IQCH: variants seen among roughly 807,000 people sequenced by gnomAD.
IQCH encodes the protein IQ motif containing H, also known as IQ domain-containing protein H.
IQCH carries 98 observed loss-of-function variants against 117.0 expected under a neutral mutation model. The observed-to-expected ratio is 0.84, with a 90% CI of 0.71 to 0.99. The LOEUF (loss-of-function observed/expected upper bound fraction) is 0.99. IQCH is among the 50% of genes least tolerant of loss of function. The pLI, the probability that IQCH is intolerant of heterozygous loss-of-function variation, is 0.00. For synonymous variants in IQCH, 412 were observed against 448.2 expected (o/e 0.92, Z 1.02); for missense variants, 1,102 against 1,243.8 (o/e 0.89, Z 1.72).
chr15:67,496,740 C>T lies in IQCH; in HGVS notation c.2970+2374C>T, dbSNP rs544567074. 2.0e-4 allele frequency among the ~76,000 whole-genome samples: 31 copies of T among 151,902 alleles called. No individual in the cohort carries two copies. The highest frequency in any genetic ancestry group is 4.6e-4 in the Admixed American group (7 of 15,248). On this transcript the variant is annotated intron_variant, in intron 20 of 20. Coordinates refer to ENST00000335894, the MANE Select transcript of IQCH (RefSeq NM_001031715.3). The surrounding 1 kb of genome is among the most constrained non-coding windows in gnomAD (Gnocchi z 4.4). Reference sequence around the variant, plus strand: ...AAGAAATAAAAGTAAAAGTATCGGCCGGGCACGGTGGCTCACGCCTGTAAT... The same window carrying T: ...AAGAAATAAAAGTAAAAGTATCGGCTGGGCACGGTGGCTCACGCCTGTAAT...
chr15:67,254,815 C>T lies in IQCH; in HGVS notation c.-82C>T, dbSNP rs967639353. ...CAGGCCAGGTCGCGCGCGGTGTTGC[C>T]ATGGGGACGAGCGGCTCCGGCTGAA... On this transcript the variant is annotated 5_prime_UTR_variant, in exon 1 of 21. Transcript: ENST00000335894. 1 of 1,476,176 alleles carries T rather than the reference C, an allele frequency of 6.8e-7. No homozygotes were observed. Among genetic ancestry groups the T allele is most frequent in the Non-Finnish European group, 9.3e-7 (1 of 1,072,026 alleles). The allele number at this position is 1,476,176 out of a possible 1,614,324, so 91.4% of individuals were successfully genotyped here.
In IQCH at chr15:67,391,739, A is replaced by T. The variant is rs143776721; in HGVS notation, c.1632+2733A>T. On this transcript the variant is annotated intron_variant, in intron 12 of 20. Transcript: ENST00000335894. The surrounding 1 kb of genome is among the most constrained non-coding windows in gnomAD (Gnocchi z 4.3). ...ATACAAGACCTGTGATTAGTGATACATCCTTTGCCATCACTTATTCACATT... is the reference window on the plus strand; with the variant it reads ...ATACAAGACCTGTGATTAGTGATACTTCCTTTGCCATCACTTATTCACATT... Among the ~76,000 whole-genome samples the T allele has an allele frequency of 6.6e-6, 1 of 152,210 alleles. No homozygotes were observed. Among genetic ancestry groups the T allele is most frequent in the African/African-American group, 2.4e-5 (1 of 41,458 alleles).
chr15:67,497,046 A>AG (rs2141110758), intron 20 of IQCH, among the ~76,000 whole-genome samples: 1 of 151,622 alleles, frequency 6.6e-6, no homozygotes, highest in East Asian at 1.9e-4. Flanking sequence ...AAAAAAAAAA[A>AG]AAGTAAAAGT....
rs947205607 is a variant in IQCH, at chr15:67,275,232, G to A, written c.270-4163G>A. 5.9e-5 allele frequency among the ~76,000 whole-genome samples: 9 copies of A among 152,314 alleles called. No individual in the cohort carries two copies. In the East Asian group the frequency reaches 1.5e-3, roughly 26 times the overall value. ...GGAACCCAAGGTGATAGGGAAGCTG[G>A]TTGTCAACCTTGATCTCACTTTAGA... On this transcript the variant is annotated intron_variant, in intron 3 of 20. Coordinates refer to ENST00000335894, the MANE Select transcript of IQCH (RefSeq NM_001031715.3).
At position 67,393,059 on chromosome 15, in the gene IQCH, A is replaced by C. The variant is rs1971339848; in HGVS notation, c.1633-2232A>C. Among the ~76,000 whole-genome samples, 1 of 152,200 alleles carries C rather than the reference A, an allele frequency of 6.6e-6. No individual in the cohort carries two copies. The highest frequency in any genetic ancestry group is 2.1e-4 in the South Asian group (1 of 4,836). ...TACAACCATTACCACTATCAATTTC[A>C]GAACTTTTTATCATCCCAAGAAGAA... On this transcript the variant is annotated intron_variant, in intron 12 of 20. Coordinates refer to ENST00000335894, the MANE Select transcript of IQCH (RefSeq NM_001031715.3). The surrounding 1 kb of genome is among the most constrained non-coding windows in gnomAD (Gnocchi z 5.5).
At chr15:67,450,561 C>T (rs1370728857) in intron 16 of IQCH, among the ~76,000 whole-genome samples, 1 of 152,146 alleles carries the variant, frequency 6.6e-6, no homozygotes, top group African/African-American at 2.4e-5. Context: ...CCTTGCATCC[C>T]AGGGATGAAG....
chr15:67,378,515 T>C (rs1353453858), intron 10 of IQCH, among the ~76,000 whole-genome samples: 8 of 150,158 alleles, frequency 5.3e-5, no homozygotes, highest in African/African-American at 2.0e-4. Flanking sequence ...CCCAGAAATA[T>C]CCAGATCTTT....
At chr15:67,306,447 G>A (rs1036560226) in intron 4 of IQCH, among the ~76,000 whole-genome samples, 13 of 152,042 alleles carry the variant, frequency 8.6e-5, no homozygotes, top group African/African-American at 3.1e-4. Flanking sequence ...CATGTGTTTC[G>A]TTACTTCTTA....
intron 4 of IQCH, among the ~76,000 whole-genome samples, chr15:67,294,263 T>G (rs901652939): frequency 6.6e-6 from 1 of 152,224 alleles, no homozygotes; most frequent in Admixed American, 6.5e-5. Context: ...TGTCTTATTG[T>G]CTTTTCCTTC....
intron 16 of IQCH, among the ~76,000 whole-genome samples, chr15:67,461,948 C>G (rs1385429175): frequency 6.6e-6 from 1 of 152,082 alleles, no homozygotes; most frequent in African/African-American, 2.4e-5. Flanking sequence ...GTTTAGTCAT[C>G]ATAAAAAGCA....
chr15:67,281,769 A>G (rs1303696507), intron 4 of IQCH: 2 of 454,836 alleles, frequency 4.4e-6, no homozygotes, highest in Non-Finnish European at 8.8e-6. Context: ...ATGTCAAAGT[A>G]CATATTTTGG....
chr15:67,300,586 A>G (rs1966977087), intron 4 of IQCH, among the ~76,000 whole-genome samples: 2 of 152,324 alleles, frequency 1.3e-5, no homozygotes, highest in South Asian at 2.1e-4. Flanking sequence ...ATATTAAGCA[A>G]TATCCACTTT....
At position 67,417,969 on chromosome 15, in the gene IQCH, G is replaced by A. The variant is rs185891739; in HGVS notation, c.2218+918G>A. On this transcript the variant is annotated intron_variant, in intron 15 of 20. Transcript: ENST00000335894. This position sits in a 1 kb window ranked among gnomAD's most constrained non-coding sequence, Gnocchi z 4.3. ...AGCACAGTGATGATAATAATAGTGA[G>A]CTTAGATAGTGCTTATTATGGGCCA... 3.3e-5 allele frequency among the ~76,000 whole-genome samples: 5 copies of A among 152,290 alleles called. No individual in the cohort carries two copies. The East Asian group carries it at 7.7e-4, about 23-fold the overall frequency.
At chr15:67,258,679 A>G (rs1233686470) in intron 1 of IQCH, among the ~76,000 whole-genome samples, 1 of 152,224 alleles carries the variant, frequency 6.6e-6, no homozygotes, top group Non-Finnish European at 1.5e-5. Context: ...TCTAGAGCAA[A>G]TCTTTGCTGC....
chr15:67,478,412 A>T (rs2083259083), intron 18 of IQCH, among the ~76,000 whole-genome samples: 1 of 152,030 alleles, frequency 6.6e-6, no homozygotes, highest in Non-Finnish European at 1.5e-5. Flanking sequence ...ACAGAGGGGC[A>T]CCGAAGACAC....
intron 13 of IQCH, among the ~76,000 whole-genome samples, chr15:67,397,425 A>G (rs1971507239): frequency 6.6e-6 from 1 of 152,244 alleles, no homozygotes; most frequent in Non-Finnish European, 1.5e-5. Flanking sequence ...CAAATTGTAT[A>G]ACAATAAACC....
In IQCH at chr15:67,411,651, A is replaced by G. The variant is rs2081454570; in HGVS notation, c.2098-5280A>G. The stretch of plus-strand genomic sequence containing the variant: ...TGTCTGTATGTGTGTATGTGTGTGT[A>G]ATACACACACACAGAGGCACTCTTG... On this transcript the variant is annotated intron_variant, in intron 14 of 20. Coordinates refer to ENST00000335894, the MANE Select transcript of IQCH (RefSeq NM_001031715.3). The surrounding 1 kb of genome is among the most constrained non-coding windows in gnomAD (Gnocchi z 4.4). 1.3e-5 allele frequency among the ~76,000 whole-genome samples: 2 copies of G among 152,154 alleles called. No homozygotes were observed. Among genetic ancestry groups the G allele is most frequent in the Admixed American group, 1.3e-4 (2 of 15,284 alleles).
chr15:67,264,121 C>G (rs1333716941), intron 3 of IQCH, among the ~76,000 whole-genome samples: 1 of 152,228 alleles, frequency 6.6e-6, no homozygotes, highest in Non-Finnish European at 1.5e-5. Context: ...CTCCCTTTCC[C>G]TACATGAAGG....
rs1201305628 is a variant in IQCH at position 67,336,992 on chromosome 15, A to G, written c.405A>G (p.Leu135=). The G allele has an allele frequency of 1.9e-6, 3 of 1,613,638 alleles. No homozygotes were observed. The highest frequency in any genetic ancestry group is 1.3e-5 in the African/African-American group (1 of 75,006). ...FPRAKIKVSK[L]IKGSNISSLT... The stretch of plus-strand genomic sequence containing the variant: ...TTATCTAGATAAAGGTTTCGAAGTT[A>G]ATCAAAGGGTCTAACATATCCAGCC... Residue 135 remains leucine (L), a synonymous_variant, in exon 5 of 21, where the codon TTA becomes TTG. Coordinates refer to ENST00000335894, the MANE Select transcript of IQCH (RefSeq NM_001031715.3).
Sources: gnomAD v4.1 joint callset for allele counts (sites outside exome capture counted in the v4.1 genomes callset) on GRCh38, gnomAD v4.1.1 for gene constraint, Gnocchi (gnomAD v3.1) non-coding constraint, MANE v1.5 for transcripts, NCBI Gene and HGNC (gene_info 2026-07-23, HGNC 2026-07-21) for gene names.